The following RCAN2 variants were observed in gnomAD, a reference collection of about 807,000 sequenced individuals.
RCAN2 encodes the protein calcipressin-2.
RCAN2 carries 9 observed loss-of-function variants against 23.6 expected under a neutral mutation model. That is an observed-to-expected ratio of 0.38 (90% CI 0.23 to 0.67). The LOEUF (loss-of-function observed/expected upper bound fraction) is 0.67. Among genes scored for constraint, RCAN2 ranks in the 30% least tolerant of loss-of-function variants. The pLI is 0.51. For synonymous variants in RCAN2, 109 were observed against 115.7 expected, an observed-to-expected ratio of 0.94 and a Z score of 0.37; for missense variants, 273 against 302.3, an observed-to-expected ratio of 0.90 and a Z score of 0.72.
At chr6:46,288,591 C>T in intron 2 of RCAN2, among the ~76,000 whole-genome samples, 1 of 152,246 alleles carries the variant, frequency 6.6e-6, no homozygotes, top group East Asian at 1.9e-4. Context: ...AAAAAGTTAT[C>T]TGCATTTCTG....
At chr6:46,448,670 C>T (rs1344716369) in intron 2 of RCAN2, among the ~76,000 whole-genome samples, 2 of 151,728 alleles carry the variant, frequency 1.3e-5, no homozygotes, top group Non-Finnish European at 3.0e-5. Context: ...AAGAATAATT[C>T]AAGAAATGCA....
rs1362685088 is a variant in RCAN2, at chr6:46,221,764, T to G, written c.*1377A>C. 5.1e-6 allele frequency: 2 copies of G among 394,688 alleles called. No individual in the cohort carries two copies. Among genetic ancestry groups the G allele is most frequent in the Non-Finnish European group, 8.9e-6 (2 of 224,004 alleles). The allele number at this position is 394,688 out of a possible 1,614,324, so 24.4% of individuals were successfully genotyped here. On this transcript the variant is annotated 3_prime_UTR_variant, in exon 5 of 5. Coordinates refer to ENST00000371374, the MANE Select transcript of RCAN2 (RefSeq NM_001251974.2). ...TAATGAAAGTACTTCCCCACTCCAT[T>G]GTAATCTGCGTTTGCATCTAAAGTA...
At chr6:46,349,898 TCTCACC>T (rs1764594133) in intron 2 of RCAN2, among the ~76,000 whole-genome samples, 1 of 152,150 alleles carries the variant, frequency 6.6e-6, no homozygotes, top group African/African-American at 2.4e-5. Flanking sequence ...CATTCCCTGC[TCTCACC>T]CTCACCGTGG....
At chr6:46,491,478 A>T (rs1471017567), upstream of RCAN2, 1 of 152,130 alleles carries the variant, frequency 6.6e-6, no homozygotes, top group Non-Finnish European at 1.5e-5. Flanking sequence ...CGGCTCTCGC[A>T]GGAGCCGGCG....
chr6:46,228,378 T>G (rs1765752622), intron 4 of RCAN2, among the ~76,000 whole-genome samples: 1 of 152,198 alleles, frequency 6.6e-6, no homozygotes. Context: ...AGTGGGGTGT[T>G]AAAGTCTCTC....
chr6:46,224,732 C>T (rs1016610075), intron 4 of RCAN2, among the ~76,000 whole-genome samples: 2 of 152,070 alleles, frequency 1.3e-5, no homozygotes, highest in Non-Finnish European at 2.9e-5. Flanking sequence ...TTATGTGCTA[C>T]TGTGCACATC....
intron 2 of RCAN2, among the ~76,000 whole-genome samples, chr6:46,364,088 T>C (rs1376305071): frequency 2.0e-5 from 3 of 152,198 alleles, no homozygotes; most frequent in Non-Finnish European, 4.4e-5. Flanking sequence ...AAAGGGTGTG[T>C]TCCACAACCC....
intron 2 of RCAN2, among the ~76,000 whole-genome samples, chr6:46,273,131 C>G (rs1899406): frequency 0.78 from 119,378 of 152,126 alleles, 47,146 homozygotes; most frequent in Non-Finnish European, 0.83. Context: ...TCAGGAGTTG[C>G]GGTTCCAACA....
chr6:46,293,909 T>C (rs1477982426), intron 2 of RCAN2, among the ~76,000 whole-genome samples: 1 of 152,200 alleles, frequency 6.6e-6, no homozygotes, highest in Non-Finnish European at 1.5e-5. Context: ...TAGAGCATGT[T>C]GCAAAAGCAT....
chr6:46,313,655 C>T (rs1442215), intron 2 of RCAN2, among the ~76,000 whole-genome samples: 118,014 of 152,162 alleles, frequency 0.78, 46,125 homozygotes, highest in Non-Finnish European at 0.83. Context: ...ACAATCATAA[C>T]GTGAAGTAAA....
intron 2 of RCAN2, among the ~76,000 whole-genome samples, chr6:46,419,504 T>C (rs369821031): frequency 6.6e-6 from 1 of 152,254 alleles, no homozygotes; most frequent in South Asian, 2.1e-4. Context: ...GGAAGGTACA[T>C]GTTAATATGA....
At chr6:46,267,054 T>A (rs926640584) in intron 2 of RCAN2, among the ~76,000 whole-genome samples, 1 of 152,220 alleles carries the variant, frequency 6.6e-6, no homozygotes, top group Admixed American at 6.5e-5. Flanking sequence ...ATAAGTTTTT[T>A]CAAAATCATC....
chr6:46,368,704 TA>T (rs1765243731), intron 2 of RCAN2, among the ~76,000 whole-genome samples: 1 of 152,020 alleles, frequency 6.6e-6, no homozygotes, highest in African/African-American at 2.4e-5. Flanking sequence ...GCATAAAAAA[TA>T]AAAAGTGGTG....
intron 2 of RCAN2, among the ~76,000 whole-genome samples, chr6:46,266,853 C>T (rs1767347486): frequency 1.3e-5 from 2 of 152,132 alleles, no homozygotes; most frequent in African/African-American, 2.4e-5. Context: ...ATGACATGCT[C>T]AAGGCCCCAT....
At chr6:46,226,674 G>C (rs1434451057) in intron 4 of RCAN2, among the ~76,000 whole-genome samples, 2 of 152,174 alleles carry the variant, frequency 1.3e-5, no homozygotes, top group African/African-American at 2.4e-5. Context: ...ATCAGCTTAA[G>C]GGGATTTTGG....
rs566949677 is a variant in RCAN2 at position 46,317,622 on chromosome 6, C to T, written c.226-68726G>A. 1.2e-3 allele frequency among the ~76,000 whole-genome samples: 178 copies of T among 152,126 alleles called. 1 individual carries two copies. Among genetic ancestry groups the T allele is most frequent in the African/African-American group, 4.0e-3 (165 of 41,502 alleles). ...GAGTACAGGCGCCTGTCACCATGCC[C>T]GGCTAATTTTTTTTTGTATTTTTTA... On this transcript the variant is annotated intron_variant, in intron 2 of 4. Coordinates refer to ENST00000371374, the MANE Select transcript of RCAN2 (RefSeq NM_001251974.2).
chr6:46,377,687 T>C (rs2150392074), intron 2 of RCAN2, among the ~76,000 whole-genome samples: 1 of 152,294 alleles, frequency 6.6e-6, no homozygotes, highest in Admixed American at 6.5e-5. Context: ...TTGCATCTAC[T>C]TTATTTAAAA....
At chr6:46,332,970 G>A (rs997656039) in intron 2 of RCAN2, among the ~76,000 whole-genome samples, 3 of 152,204 alleles carry the variant, frequency 2.0e-5, no homozygotes, top group African/African-American at 4.8e-5. Flanking sequence ...TCCAGCACAC[G>A]TTGTTTCCTG....
In RCAN2 at chr6:46,354,897, ATGTGTGTGTGTG is replaced by A. The variant is rs6149559; in HGVS notation, c.225+101843_225+101854del. ...AGACTTCTCAGGAAAAAGATTATATATGTGTGTGTGTGTGTGTGTGTGTGTGTGTGTGTGTGT... is the reference window on the plus strand; with the variant it reads ...AGACTTCTCAGGAAAAAGATTATATATGTGTGTGTGTGTGTGTGTGTGTGT... On this transcript the variant is annotated intron_variant, in intron 2 of 4. Transcript: ENST00000371374. 9.4e-3 allele frequency among the ~76,000 whole-genome samples: 1,366 copies of A among 144,728 alleles called. 19 individuals are homozygous for A. The highest frequency in any genetic ancestry group is 0.023 in the African/African-American group (892 of 38,652). 94.9% of individuals were successfully genotyped at this position (144,728 alleles called of 152,430 possible).
Sources: allele counts gnomAD v4.1 joint callset (sites outside exome capture counted in the v4.1 genomes callset), GRCh38; gene constraint gnomAD v4.1.1; transcripts MANE v1.5; gene names NCBI Gene and HGNC (gene_info 2026-07-23, HGNC 2026-07-21).